Variants in WDR7 observed in about 807,000 individuals in gnomAD.
WDR7 encodes the protein WD repeat domain 7, also known as WD repeat-containing protein 7.
A neutral mutation model predicts 169.4 loss-of-function variants in WDR7; 46 were observed. The observed-to-expected ratio is 0.27, with a 90% confidence interval of 0.21 to 0.35. WDR7 has a LOEUF of 0.35. WDR7 is among the 10% of genes least tolerant of loss of function. WDR7 has a pLI of 1.00. For missense variants in WDR7, 1,534 were observed against 1,859.3 expected (o/e 0.83, Z 3.22); for synonymous variants, 612 against 666.8 (o/e 0.92, Z 1.27).
intron 19 of WDR7, among the ~76,000 whole-genome samples, chr18:56,799,441 CTA>C (rs771906690): frequency 2.7e-5 from 4 of 149,548 alleles, no homozygotes; most frequent in Non-Finnish European, 2.9e-5. Flanking sequence ...TTCATCAGAA[CTA>C]TGACATTTTA....
At chr18:56,833,220 A>G (rs2045343623) in intron 20 of WDR7, among the ~76,000 whole-genome samples, 1 of 151,916 alleles carries the variant, frequency 6.6e-6, no homozygotes, top group African/African-American at 2.4e-5. Context: ...GAATTGGTCA[A>G]GCGGAAGAAG....
intron 20 of WDR7, among the ~76,000 whole-genome samples, chr18:56,864,948 G>A (rs1021501441): frequency 1.3e-5 from 2 of 151,906 alleles, no homozygotes; most frequent in African/African-American, 4.8e-5. Context: ...GTTGATTGTA[G>A]CTCTGTGAGG....
chr18:56,828,773 A>G (rs2045256929), intron 20 of WDR7, among the ~76,000 whole-genome samples: 1 of 152,176 alleles, frequency 6.6e-6, no homozygotes, highest in African/African-American at 2.4e-5. Flanking sequence ...ATTCAACTAA[A>G]TGTGAGAGTA....
chr18:56,949,228 T>C (rs900196677), intron 25 of WDR7, among the ~76,000 whole-genome samples: 1 of 152,168 alleles, frequency 6.6e-6, no homozygotes, highest in Non-Finnish European at 1.5e-5. Context: ...CTCAAACTTT[T>C]TGGTCTCAGG....
chr18:56,700,561 G>A (rs2025806679), intron 12 of WDR7, among the ~76,000 whole-genome samples: 1 of 43,562 alleles, frequency 2.3e-5, no homozygotes, highest in South Asian at 1.3e-3. Context: ...GGCCAATATT[G>A]TTTCTTTTTT....
intron 14 of WDR7, among the ~76,000 whole-genome samples, chr18:56,736,915 G>T (rs1051420901): frequency 1.3e-5 from 2 of 152,176 alleles, no homozygotes; most frequent in African/African-American, 2.4e-5. Flanking sequence ...GGAGGACATG[G>T]TGTTAAGAAC....
chr18:56,660,133 T>C (rs1439605408), intron 1 of WDR7, among the ~76,000 whole-genome samples: 2 of 152,180 alleles, frequency 1.3e-5, no homozygotes, highest in African/African-American at 4.8e-5. Context: ...TTTTGGTCTG[T>C]GTAGCTATAA....
chr18:56,778,559 G>A (rs2044272223), intron 17 of WDR7, among the ~76,000 whole-genome samples: 1 of 152,062 alleles, frequency 6.6e-6, no homozygotes, highest in African/African-American at 2.4e-5. Flanking sequence ...GATTATTTGG[G>A]AATGTCTGTT....
At chr18:56,970,848 T>C (rs967247609) in intron 26 of WDR7, among the ~76,000 whole-genome samples, 4 of 152,234 alleles carry the variant, frequency 2.6e-5, no homozygotes, top group African/African-American at 7.2e-5. Context: ...GGGTAAATTC[T>C]GGATGAGCAC....
chr18:56,786,584 T>G (rs1303631123), intron 19 of WDR7, among the ~76,000 whole-genome samples: 1 of 151,788 alleles, frequency 6.6e-6, no homozygotes, highest in African/African-American at 2.4e-5. Context: ...AATTGAGTAC[T>G]GTGAGAATTT....
intron 6 of WDR7, 21 bp downstream of exon 6, chr18:56,686,053 GT>G: frequency 3.2e-6 from 5 of 1,571,022 alleles, no homozygotes; most frequent in Non-Finnish European, 4.3e-6. Flanking sequence ...GGAAACTGGG[GT>G]GATTTCTCTG....
At chr18:57,010,624 G>T (rs2048123073) in intron 26 of WDR7, among the ~76,000 whole-genome samples, 1 of 152,024 alleles carries the variant, frequency 6.6e-6, no homozygotes, top group East Asian at 1.9e-4. Context: ...TTCAAAGTAT[G>T]ATTCTATATA....
intron 25 of WDR7, chr18:56,957,142 T>C (rs1006067667): frequency 6.6e-6 from 1 of 152,138 alleles, no homozygotes; most frequent in Non-Finnish European, 1.5e-5. Flanking sequence ...AGAACTACAA[T>C]GCAGATGTGA....
intron 27 of WDR7, among the ~76,000 whole-genome samples, chr18:57,021,124 A>C (rs1333836974): frequency 2.0e-5 from 3 of 152,244 alleles, no homozygotes; most frequent in Non-Finnish European, 4.4e-5. Flanking sequence ...TTATGGTCCC[A>C]GGGGAGCCTG....
At chr18:56,870,957 T>C (rs1376217483) in intron 20 of WDR7, among the ~76,000 whole-genome samples, 1 of 152,234 alleles carries the variant, frequency 6.6e-6, no homozygotes, top group Non-Finnish European at 1.5e-5. Flanking sequence ...GTTTTATATA[T>C]GCTTTTTATA....
At chr18:56,728,813 C>T (rs1020512750) in intron 13 of WDR7, among the ~76,000 whole-genome samples, 10 of 152,164 alleles carry the variant, frequency 6.6e-5, no homozygotes, top group African/African-American at 2.4e-4. Context: ...GATGCACATG[C>T]TTCTGGGGCT....
At chr18:56,792,648 G>A (rs1363272488) in intron 19 of WDR7, among the ~76,000 whole-genome samples, 1 of 57,984 alleles carries the variant, frequency 1.7e-5, no homozygotes, top group Non-Finnish European at 3.7e-5. Flanking sequence ...TTCATTTCTT[G>A]TACAATGAAA....
Position 57,027,136 on chromosome 18 carries a change from C to T in WDR7, c.4402C>T (p.Leu1468Phe). Residue 1468 changes from leucine (L) to phenylalanine (F), a missense_variant, in exon 28 of 28, where the codon CTC becomes TTC. Transcript: ENST00000254442. ...CCACAATGCCCTCAAGCTGGCCCGG[C>T]TCATCTGGACTTCCAACCGCAACGT... is the stretch of plus-strand genomic sequence containing the variant. ...GSHNALKLAR[L>F]IWTSNRNVIL... is the part of the protein sequence containing the mutation. The T allele has an allele frequency of 6.2e-7, 1 of 1,614,194 alleles. No individual in the cohort carries two copies. The highest frequency in any genetic ancestry group is 1.3e-5 in the African/African-American group (1 of 75,066).
At chr18:56,940,903 T>C (rs2047027881) in intron 25 of WDR7, among the ~76,000 whole-genome samples, 1 of 152,142 alleles carries the variant, frequency 6.6e-6, no homozygotes, top group African/African-American at 2.4e-5. Flanking sequence ...TAAAACCACC[T>C]TAGTCTGCTG....
Sources: allele counts gnomAD v4.1 joint callset (sites outside exome capture counted in the v4.1 genomes callset), GRCh38; gene constraint gnomAD v4.1.1; transcripts MANE v1.5; gene names NCBI Gene and HGNC (gene_info 2026-07-23, HGNC 2026-07-21).